Variants in TMCO5A observed in about 807,000 individuals in gnomAD.
TMCO5A encodes transmembrane and coiled-coil domain-containing protein 5A.
TMCO5A carries 34 observed loss-of-function variants against 42.3 expected under a neutral mutation model. The ratio of observed to expected loss-of-function variants is 0.80; its 90% CI spans 0.61 to 1.07. The LOEUF is 1.07. Among genes scored for constraint, TMCO5A ranks in the 50% least tolerant of loss-of-function variants. The probability of loss-of-function intolerance (pLI) is 0.00; values close to 1 mark genes in which losing one functional copy is unlikely to be tolerated. For synonymous variants in TMCO5A, 131 were observed against 115.6 expected (o/e 1.13, Z -0.86); for missense variants, 357 against 327.9 (o/e 1.09, Z -0.69).
At chr15:37,991,705 T>C in the TMCO5A span, among the ~76,000 whole-genome samples, 7 of 152,028 alleles carry the variant, frequency 4.6e-5, no homozygotes, top group Admixed American at 4.6e-4. Flanking sequence ...CTTCAATAAT[T>C]TTTTTATTTC....
intron 7 of TMCO5A, among the ~76,000 whole-genome samples, 162 bp from the exon 8 acceptor site, chr15:37,941,509 C>T (rs1046017550): frequency 6.6e-6 from 1 of 151,846 alleles, no homozygotes. Context: ...CTTTTTTACC[C>T]TAAAAAAAGG....
intron 10 of TMCO5A, among the ~76,000 whole-genome samples, chr15:37,945,636 CT>C (rs1039629802): frequency 2.0e-5 from 3 of 151,998 alleles, no homozygotes; most frequent in Non-Finnish European, 4.4e-5. Flanking sequence ...TAATGTTGAA[CT>C]TTTTTTGTGT....
At chr15:37,983,698 G>A in the TMCO5A span, among the ~76,000 whole-genome samples, 35 of 151,034 alleles carry the variant, frequency 2.3e-4, no homozygotes, top group African/African-American at 8.3e-4. Flanking sequence ...AGTCTTGTGA[G>A]TCCTTTTTTT....
At chr15:37,951,988 T>C (rs1339464270), downstream of TMCO5A, among the ~76,000 whole-genome samples, 1 of 152,082 alleles carries the variant, frequency 6.6e-6, no homozygotes, top group Non-Finnish European at 1.5e-5. Flanking sequence ...TTGAACTCAG[T>C]GCTTCCCCAT....
the TMCO5A span, among the ~76,000 whole-genome samples, chr15:38,013,673 C>T: frequency 6.6e-6 from 1 of 152,184 alleles, no homozygotes; most frequent in Admixed American, 6.5e-5. Flanking sequence ...ACCCAATGAG[C>T]CACTCTATTA....
Position 37,951,361 on chromosome 15 carries a change from C to T in TMCO5A, c.*127C>T, listed in dbSNP as rs1335703824. 4 of 786,684 alleles carry T rather than the reference C, an allele frequency of 5.1e-6. No individual in the cohort carries two copies. The highest frequency in any genetic ancestry group is 1.8e-5 in the South Asian group (1 of 56,306). The allele number at this position is 786,684 out of a possible 1,614,324, so 48.7% of individuals were successfully genotyped here. ...TCCTCACCGTTTGCCTGCTTGACTA[C>T]CTTCTGTCACCACGTCATCTTTCCA... On this transcript the variant is annotated 3_prime_UTR_variant, in exon 12 of 12. Transcript: ENST00000319669.
chr15:38,037,810 C>T, the TMCO5A span, among the ~76,000 whole-genome samples: 128 of 152,186 alleles, frequency 8.4e-4, no homozygotes, highest in African/African-American at 3.0e-3. Flanking sequence ...GTTAGAAGTT[C>T]GAGACCAGCC....
intron 11 of TMCO5A, among the ~76,000 whole-genome samples, chr15:37,959,754 G>A (rs914851556): frequency 4.6e-5 from 7 of 151,862 alleles, no homozygotes; most frequent in Non-Finnish European, 4.4e-5. Flanking sequence ...AAAACTGAAA[G>A]CCTTTCCTCT....
the TMCO5A span, among the ~76,000 whole-genome samples, chr15:38,014,856 TA>T: frequency 4.5e-5 from 2 of 44,384 alleles, no homozygotes; most frequent in East Asian, 6.8e-4. Flanking sequence ...AGAAAGATTA[TA>T]TATATATATA....
the TMCO5A span, among the ~76,000 whole-genome samples, chr15:38,035,522 A>G: frequency 6.6e-6 from 1 of 152,222 alleles, no homozygotes; most frequent in African/African-American, 2.4e-5. Context: ...TCTAGGGAGC[A>G]GAACTGCATG....
At chr15:38,013,056 G>A in the TMCO5A span, among the ~76,000 whole-genome samples, 1 of 152,236 alleles carries the variant, frequency 6.6e-6, no homozygotes, top group Middle Eastern at 3.4e-3. Flanking sequence ...TAGTCTGCAG[G>A]CCAAGGGTGG....
intron 11 of TMCO5A, among the ~76,000 whole-genome samples, chr15:37,961,691 T>C (rs1233194648): frequency 6.6e-6 from 1 of 152,126 alleles, no homozygotes; most frequent in African/African-American, 2.4e-5. Context: ...TCCATTTGTT[T>C]GTCATCTATG....
chr15:38,030,851 C>A, the TMCO5A span, among the ~76,000 whole-genome samples: 2 of 152,134 alleles, frequency 1.3e-5, no homozygotes, highest in Non-Finnish European at 2.9e-5. Flanking sequence ...CTCAAGGAAC[C>A]CTTTGATTGC....
At chr15:38,027,434 C>T in the TMCO5A span, among the ~76,000 whole-genome samples, 4 of 152,306 alleles carry the variant, frequency 2.6e-5, no homozygotes, top group East Asian at 1.9e-4. Context: ...TGTATTTACC[C>T]AATACCTGTA....
rs527488862 is a variant in TMCO5A, at chr15:37,943,501, C to T, written c.627+103C>T. ...CAAATATATACCCAATCTTGCCATGCGCATTTTCCAAGAACAGTACCAGCT... is the reference window on the plus strand; with the variant it reads ...CAAATATATACCCAATCTTGCCATGTGCATTTTCCAAGAACAGTACCAGCT... On this transcript the variant is annotated intron_variant, in intron 10 of 11. Coordinates refer to ENST00000319669, the MANE Select transcript of TMCO5A (RefSeq NM_152453.4). The T allele has an allele frequency of 1.1e-4, 128 of 1,144,878 alleles. No individual in the cohort carries two copies. In the South Asian group the frequency reaches 1.6e-3, roughly 14 times the overall value. 70.9% of individuals were successfully genotyped at this position (1,144,878 alleles called of 1,614,324 possible).
chr15:37,994,092 C>A, the TMCO5A span, among the ~76,000 whole-genome samples: 4 of 152,264 alleles, frequency 2.6e-5, no homozygotes, highest in Admixed American at 6.5e-5. Flanking sequence ...AGAATTTAAA[C>A]CTCTCCTCCA....
chr15:37,941,004 T>C (rs950484985), intron 6 of TMCO5A, 145 bp from the exon 7 acceptor site: 1 of 661,930 alleles, frequency 1.5e-6, no homozygotes, highest in East Asian at 2.6e-5. Flanking sequence ...CAAACGGTGC[T>C]GGGTGGCTTA....
chr15:37,968,582 CTTTTTTTTT>C (rs61091144), downstream of TMCO5A, among the ~76,000 whole-genome samples: 1 of 131,156 alleles, frequency 7.6e-6, no homozygotes, highest in Admixed American at 7.8e-5. Context: ...TTCTACATTT[CTTTTTTTTT>C]TTTTTTTTTT....
chr15:37,950,869 G>T (rs1890131295), intron 11 of TMCO5A, among the ~76,000 whole-genome samples, 167 bp from the exon 12 acceptor site: 1 of 152,086 alleles, frequency 6.6e-6, no homozygotes, highest in East Asian at 1.9e-4. Flanking sequence ...TAACCAATAG[G>T]ACAGAATATG....
Sources: allele counts gnomAD v4.1 joint callset (sites outside exome capture counted in the v4.1 genomes callset), GRCh38; gene constraint gnomAD v4.1.1; transcripts MANE v1.5; gene names NCBI Gene and HGNC (gene_info 2026-07-23, HGNC 2026-07-21).